CALR: variants seen among roughly 807,000 people sequenced by gnomAD.
CALR encodes the protein CRP55.
In CALR, 15 loss-of-function variants were observed where a neutral mutation model predicts 51.1. The ratio of observed to expected loss-of-function variants is 0.29; its 90% CI spans 0.20 to 0.45. The LOEUF is 0.45. Among genes scored for constraint, CALR ranks in the 20% least tolerant of loss-of-function variants. The probability of loss-of-function intolerance (pLI) is 1.00; values close to 1 mark genes in which losing one functional copy is unlikely to be tolerated. For synonymous variants in CALR, 239 were observed against 205.9 expected (o/e 1.16, Z -1.38); for missense variants, 477 against 530.6 (o/e 0.90, Z 0.99).
intron 3 of CALR, 61 bp from the exon 4 acceptor site, chr19:12,939,992 G>C: frequency 8.6e-7 from 1 of 1,164,996 alleles, no homozygotes; most frequent in Non-Finnish European, 1.3e-6. Context: ...TATAAAGAGG[G>C]GTGAGAGCCT....
chr19:12,942,224 G>A (rs1971558656), intron 7 of CALR, among the ~76,000 whole-genome samples: 2 of 151,802 alleles, frequency 1.3e-5, no homozygotes, highest in African/African-American at 4.8e-5. Context: ...TTTGCCAGGT[G>A]TGGTGGTGGG....
chr19:12,941,937 T>C (rs1290546886), intron 7 of CALR, among the ~76,000 whole-genome samples: 2 of 152,028 alleles, frequency 1.3e-5, no homozygotes, highest in African/African-American at 4.8e-5. Context: ...CGAGATGTCA[T>C]GCATACCTGT....
chr19:12,940,474 C>G (rs753227728), intron 5 of CALR, 22 bp downstream of exon 5: 6 of 1,613,824 alleles, frequency 3.7e-6, no homozygotes, highest in Non-Finnish European at 5.1e-6. Flanking sequence ...GGCAGGGGCT[C>G]TGCTCTCCAC....
chr19:12,938,994 C>CGT (rs1192212272), intron 1 of CALR, 140 bp from the exon 2 acceptor site: 8 of 716,912 alleles, frequency 1.1e-5, no homozygotes, highest in Non-Finnish European at 1.5e-5. Context: ...AGGCACCCGA[C>CGT]GTGTCAAACT....
intron 7 of CALR, among the ~76,000 whole-genome samples, chr19:12,942,205 T>A (rs1055088881): frequency 6.6e-6 from 1 of 151,456 alleles, no homozygotes; most frequent in African/African-American, 2.4e-5. Context: ...CTAGTAAAAA[T>A]ACAAAAAATT....
Position 12,940,537 on chromosome 19 carries a change from C to A in CALR, c.703-4C>A. 6.2e-7 allele frequency: 1 copy of A among 1,614,024 alleles called. No homozygotes were observed. The highest frequency in any genetic ancestry group is 8.5e-7 in the Non-Finnish European group (1 of 1,179,906). On this transcript the variant is annotated splice_polypyrimidine_tract_variant and splice_region_variant and intron_variant, in intron 5 of 8. Coordinates refer to ENST00000316448, the MANE Select transcript of CALR (RefSeq NM_004343.4). ...CAACTCTGATCTCTTCATCTACCCC[C>A]CAGGACTGGGACAAGCCCGAGCATA...
Position 12,944,159 on chromosome 19 carries a change from T to G in CALR, c.*246T>G. The G allele has an allele frequency of 1.7e-6, 1 of 604,624 alleles. No individual in the cohort carries two copies. Among genetic ancestry groups the G allele is most frequent in the Non-Finnish European group, 2.8e-6 (1 of 355,296 alleles). The allele number at this position is 604,624 out of a possible 1,614,324, so 37.5% of individuals were successfully genotyped here. ...CTTCAGCCCTCACCCCTGGTTCTCA[T>G]CTTTCTTGATCAACATCTTTTCTTG... On this transcript the variant is annotated 3_prime_UTR_variant, in exon 9 of 9. Transcript: ENST00000316448.
chr19:12,939,966 A>T, intron 3 of CALR, 87 bp from the exon 4 acceptor site: 1 of 969,634 alleles, frequency 1.0e-6, no homozygotes, highest in Non-Finnish European at 1.6e-6. Context: ...CGAGTTGAAG[A>T]ACCAGGTCTT....
At chr19:12,938,949 G>A in intron 1 of CALR, 179 bp downstream of exon 1, 1 of 730,838 alleles carries the variant, frequency 1.4e-6, no homozygotes, top group Non-Finnish European at 2.5e-6. Context: ...GCGGCCTCCC[G>A]CGGCGGGAGT....
rs1568448221 is a variant in CALR at position 12,939,421 on chromosome 19, G to A, written c.194-7G>A. 6.2e-7 allele frequency: 1 copy of A among 1,612,258 alleles called. No individual in the cohort carries two copies. The highest frequency in any genetic ancestry group is 1.7e-5 in the Admixed American group (1 of 60,010). ...CCAACGGTGACCTCACTACCGTCCC[G>A]TCTCAGGTTTGCAGACAAGCCAGGA... On this transcript the variant is annotated splice_polypyrimidine_tract_variant and splice_region_variant and intron_variant, in intron 2 of 8. Transcript: ENST00000316448.
In CALR at chr19:12,940,240, C is replaced by T; in HGVS notation, c.493-3C>T. 6.2e-7 allele frequency: 1 copy of T among 1,614,102 alleles called. No individual in the cohort carries two copies. On this transcript the variant is annotated splice_region_variant and splice_polypyrimidine_tract_variant and intron_variant, in intron 4 of 8. Transcript: ENST00000316448. ...GCCCCCGCTCACCTTCTTCCTTCTT[C>T]AGGATGATGAGTTTACACACCTGTA...
intron 7 of CALR, among the ~76,000 whole-genome samples, chr19:12,941,112 C>T (rs1053475574): frequency 1.3e-5 from 2 of 152,142 alleles, no homozygotes; most frequent in Admixed American, 6.6e-5. Context: ...TGCAAATCAA[C>T]TTCTTTACCC....
At chr19:12,942,470 A>C (rs1006280884) in intron 7 of CALR, among the ~76,000 whole-genome samples, 1 of 152,124 alleles carries the variant, frequency 6.6e-6, no homozygotes, top group Non-Finnish European at 1.5e-5. Context: ...AAATACCTGA[A>C]TAAGAGAGTG....
rs1599662884 is a variant in CALR, at chr19:12,944,041, A to G, written c.*128A>G. ...CCAGGCTGGTTCGGATTTGGGGTGG[A>G]TTTTGGTTTTGTTCCCCTCCTCCAC... is the stretch of plus-strand genomic sequence containing the variant. On this transcript the variant is annotated 3_prime_UTR_variant, in exon 9 of 9. Transcript: ENST00000316448. The G allele has an allele frequency of 1.4e-6, 2 of 1,460,868 alleles. No individual in the cohort carries two copies. The highest frequency in any genetic ancestry group is 1.5e-5 in the African/African-American group (1 of 68,888). The allele number at this position is 1,460,868 out of a possible 1,614,324, so 90.5% of individuals were successfully genotyped here. A position where few individuals can be genotyped will look rare whatever the true frequency, so the allele number is the denominator to read the frequency against.
chr19:12,940,441 T>G lies in CALR; in HGVS notation c.691T>G (p.Ser231Ala). Residue 231 changes from serine to alanine, a missense_variant, in exon 5 of 9, where the codon TCC becomes GCC. Transcript: ENST00000316448. The stretch of plus-strand genomic sequence containing the variant: ...GGCCAAGATCGATGATCCCACAGAC[T>G]CCAAGCCTGAGGTTGGTGTTTGGGC... ...ERAKIDDPTD[S>A]KPEDWDKPEH... 6.2e-7 allele frequency: 1 copy of G among 1,614,098 alleles called. No individual in the cohort carries two copies. Among genetic ancestry groups the G allele is most frequent in the Non-Finnish European group, 8.5e-7 (1 of 1,180,002 alleles).
intron 1 of CALR, 101 bp downstream of exon 1, chr19:12,938,871 G>A: frequency 1.0e-6 from 1 of 967,806 alleles, no homozygotes; most frequent in South Asian, 1.4e-5. Flanking sequence ...GGTCCAACAC[G>A]GTGGCCTCCC....
At chr19:12,943,411 G>A (rs1016497864) in intron 7 of CALR, 126 bp from the exon 8 acceptor site, 29 of 841,188 alleles carry the variant, frequency 3.4e-5, no homozygotes, top group Non-Finnish European at 5.4e-5. Context: ...TGTCAGCGGT[G>A]TTCCTTGTCT....
At position 12,938,709 on chromosome 19, in the gene CALR, C is replaced by T. The variant is rs748461962; in HGVS notation, c.30C>T (p.Gly10=). The change falls in exon 1 of 9, where the codon GGC becomes GGT. Residue 10 remains glycine (G), a synonymous_variant. Transcript: ENST00000316448. The part of the protein sequence containing the change: MLLSVPLLL[G]LLGLAVAEPA... ...TGCTATCCGTGCCGCTGCTGCTCGG[C>T]CTCCTCGGCCTGGCCGTCGCCGAGC... 10 of 1,611,394 alleles carry T rather than the reference C, an allele frequency of 6.2e-6. No homozygotes were observed. Among genetic ancestry groups the T allele is most frequent in the Non-Finnish European group, 7.6e-6 (9 of 1,179,384 alleles).
Position 12,943,410 on chromosome 19 carries a change from T to A in CALR, c.961-127T>A, listed in dbSNP as rs1246472037. ...ATCTTTTTAACTGCAGTGTCAGCGG[T>A]GTTCCTTGTCTTCTCTGCAGATGCA... On this transcript the variant is annotated intron_variant, in intron 7 of 8. Transcript: ENST00000316448. 3 of 822,032 alleles carry A rather than the reference T, an allele frequency of 3.6e-6. No individual in the cohort carries two copies. The African/African-American group carries it at 5.1e-5, about 14-fold the overall frequency. The allele number at this position is 822,032 out of a possible 1,614,324, so 50.9% of individuals were successfully genotyped here. A position where few individuals can be genotyped will look rare whatever the true frequency, so the allele number is the denominator to read the frequency against.
Sources: allele counts gnomAD v4.1 joint callset (sites outside exome capture counted in the v4.1 genomes callset), GRCh38; gene constraint gnomAD v4.1.1; transcripts MANE v1.5; gene names NCBI Gene and HGNC (gene_info 2026-07-23, HGNC 2026-07-21).